SETMAR: variants seen among roughly 807,000 people sequenced by gnomAD.
The protein encoded by SETMAR is SET and mariner transposase domain methyltransferase.
SETMAR carries 44 observed loss-of-function variants against 58.4 expected under a neutral mutation model. The observed-to-expected ratio is 0.75, with a 90% CI of 0.59 to 0.97. The LOEUF (loss-of-function observed/expected upper bound fraction) is 0.97, where lower values mean the gene tolerates loss of function less well. Ranked by LOEUF, SETMAR falls within the 50% of genes least tolerant of loss-of-function variation. The probability of loss-of-function intolerance (pLI) is 0.00; values close to 1 mark genes in which losing one functional copy is unlikely to be tolerated. For synonymous variants in SETMAR, 332 were observed against 307.4 expected, an observed-to-expected ratio of 1.08 and a Z score of -0.84; for missense variants, 903 against 840.2, an observed-to-expected ratio of 1.07 and a Z score of -0.92.
rs1445812352 is a variant in SETMAR, at chr3:4,316,457, A to G, written c.1266A>G (p.Glu422=). The G allele has an allele frequency of 6.2e-7, 1 of 1,604,136 alleles. No homozygotes were observed. Residue 422 remains glutamate, a synonymous_variant, in exon 3 of 3, where the codon GAA becomes GAG. Coordinates refer to ENST00000358065, the MANE Select transcript of SETMAR (RefSeq NM_006515.4). ...ACGACCAGTTGAGAGCAATCATCGA[A>G]GCTGATCCCCTTACAACTACACGAG... is the stretch of plus-strand genomic sequence containing the variant. The part of the protein sequence containing the change: ...VDNDQLRAII[E]ADPLTTTREV...
chr3:4,316,988 T>G lies in SETMAR; in HGVS notation c.1797T>G (p.Leu599=). The G allele has an allele frequency of 6.5e-7, 1 of 1,549,312 alleles. No individual in the cohort carries two copies. Reference sequence around the variant, plus strand: ...GACCGCATGTTGCACAACCCACACTTCAAAAGTTGAATGAATTGGGCTATG... The same window carrying G: ...GACCGCATGTTGCACAACCCACACTGCAAAAGTTGAATGAATTGGGCTATG... ...NARPHVAQPT[L]QKLNELGYEV... The change falls in exon 3 of 3, where the codon CTT becomes CTG. Residue 599 remains leucine, a synonymous_variant. Transcript: ENST00000358065.
intron 2 of SETMAR, among the ~76,000 whole-genome samples, chr3:4,314,596 A>T (rs1698560713): frequency 1.3e-5 from 2 of 152,156 alleles, no homozygotes; most frequent in Non-Finnish European, 2.9e-5. Flanking sequence ...ACTTGGCTGT[A>T]CTCCAAATCT....
intron 1 of SETMAR, among the ~76,000 whole-genome samples, chr3:4,305,210 C>G (rs943160528): frequency 2.0e-5 from 3 of 152,078 alleles, no homozygotes; most frequent in Non-Finnish European, 4.4e-5. Context: ...CTCAGCTTCC[C>G]GAGTAGCTGG....
chr3:4,312,255 T>C (rs1207967443), intron 1 of SETMAR, among the ~76,000 whole-genome samples: 1 of 152,134 alleles, frequency 6.6e-6, no homozygotes, highest in African/African-American at 2.4e-5. Flanking sequence ...ATGTATATTA[T>C]CAGGTAAAGG....
chr3:4,313,934 G>A, intron 2 of SETMAR, 173 bp downstream of exon 2: 1 of 1,158,498 alleles, frequency 8.6e-7, no homozygotes, highest in East Asian at 2.6e-5. Flanking sequence ...TTTAACAAAA[G>A]TACATGACTA....
rs935193064 is a variant in SETMAR at position 4,316,739 on chromosome 3, A to C, written c.1548A>C (p.Glu516Asp). The change falls in exon 3 of 3, where the codon GAA becomes GAC. Residue 516 changes from glutamate (E) to aspartate (D), a missense_variant. By Grantham distance (45) the Glu-to-Asp change is conservative. Coordinates refer to ENST00000358065, the MANE Select transcript of SETMAR (RefSeq NM_006515.4). ...CAGCTCAGTGGTTGGATCAAGAAGA[A>C]GCTCCAAAGCACTTCCCAAAGCCAA... is the stretch of plus-strand genomic sequence containing the variant. ...RRSAQWLDQE[E>D]APKHFPKPIL... 6.4e-7 allele frequency: 1 copy of C among 1,550,834 alleles called. No homozygotes were observed. Among genetic ancestry groups the C allele is most frequent in the Non-Finnish European group, 8.7e-7 (1 of 1,146,774 alleles).
chr3:4,312,985 T>G lies in SETMAR; in HGVS notation c.244T>G (p.Cys82Gly). The G allele has an allele frequency of 6.2e-7, 1 of 1,614,040 alleles. No individual in the cohort carries two copies. The highest frequency in any genetic ancestry group is 8.5e-7 in the Non-Finnish European group (1 of 1,179,942). ...CGGATGCATTTGTGTCAAAACTCCC[T>G]GCCTCCCTGGCACTTGCTCCTGTCT... The part of the protein sequence containing the change: ...FPGCICVKTP[C>G]LPGTCSCLRH... The change falls in exon 2 of 3, where the codon TGC becomes GGC. Residue 82 changes from cysteine (C) to glycine (G), a missense_variant. By Grantham distance (159) the Cys-to-Gly change is radical (BLOSUM62 -3). Coordinates refer to ENST00000358065, the MANE Select transcript of SETMAR (RefSeq NM_006515.4).
Position 4,316,901 on chromosome 3 carries a change from G to A in SETMAR, c.1710G>A (p.Leu570=), listed in dbSNP as rs1202139286. 7.1e-6 allele frequency: 11 copies of A among 1,549,322 alleles called. No individual in the cohort carries two copies. The highest frequency in any genetic ancestry group is 9.6e-6 in the Non-Finnish European group (11 of 1,146,734). ...AAATCGATGAGATGAACCAAAAACT[G>A]CAACGCCTGCAGCTGGCATTGGTCA... ...AQEIDEMNQK[L]QRLQLALVNR... Residue 570 remains leucine, a synonymous_variant, in exon 3 of 3, where the codon CTG becomes CTA. Transcript: ENST00000358065.
In SETMAR at chr3:4,303,416, G is replaced by A. The variant is rs764471589; in HGVS notation, c.46G>A (p.Glu16Lys). The A allele has an allele frequency of 1.9e-6, 3 of 1,555,418 alleles. No individual in the cohort carries two copies. In the African/African-American group the frequency reaches 4.3e-5, roughly 22 times the overall value. The change falls in exon 1 of 3, where the codon GAG becomes AAG. Residue 16 changes from glutamate (E) to lysine (K), a missense_variant. Glu to Lys is a moderately conservative substitution (Grantham distance 56). Coordinates refer to ENST00000358065, the MANE Select transcript of SETMAR (RefSeq NM_006515.4). ...GACGACACGGCCTTGTGGGATGGCGGAGTTTAAGGAGAAGCCTGAGGCCCC... is the reference window on the plus strand; with the variant it reads ...GACGACACGGCCTTGTGGGATGGCGAAGTTTAAGGAGAAGCCTGAGGCCCC... ...AKTTRPCGMA[E>K]FKEKPEAPTE...
At position 4,316,260 on chromosome 3, in the gene SETMAR, T is replaced by C. The variant is rs759585046; in HGVS notation, c.1069T>C (p.Phe357Leu). The change falls in exon 3 of 3, where the codon TTC becomes CTC. Residue 357 changes from phenylalanine to leucine, a missense_variant. Phe to Leu is a conservative substitution (Grantham distance 22). Transcript: ENST00000358065. ...AAAGCAAATTCGAGCAATTTTCTTA[T>C]TCGAGTTCAAAATGGGTCGTAAAGC... Reference protein sequence around the residue: ...DKKQIRAIFLFEFKMGRKAAE... With the variant: ...DKKQIRAIFLLEFKMGRKAAE... The C allele has an allele frequency of 1.2e-6, 1 of 813,694 alleles. No homozygotes were observed. 50.4% of individuals were successfully genotyped at this position (813,694 alleles called of 1,614,324 possible).
At chr3:4,314,437 A>G (rs902847361) in intron 2 of SETMAR, 2 of 152,430 alleles carry the variant, frequency 1.3e-5, no homozygotes, top group Non-Finnish European at 2.9e-5. Flanking sequence ...CTAAGCATGG[A>G]TCAAGGAAAA....
intron 1 of SETMAR, among the ~76,000 whole-genome samples, chr3:4,306,304 G>C (rs1035802898): frequency 1.3e-5 from 2 of 152,002 alleles, no homozygotes; most frequent in Admixed American, 6.5e-5. Context: ...AATTATATAA[G>C]TATCTCCCTT....
In SETMAR at chr3:4,308,155, T is replaced by C. The variant is rs1055396555; in HGVS notation, c.156+4629T>C. The stretch of plus-strand genomic sequence containing the variant: ...AAGAAGTCTAGTCTGGATCAGCTCT[T>C]AGCTTTTCTCCACTCAAATGGAGAA... On this transcript the variant is annotated intron_variant, in intron 1 of 2. Transcript: ENST00000358065. 7.9e-5 allele frequency among the ~76,000 whole-genome samples: 12 copies of C among 152,356 alleles called. 1 individual carries two copies. The East Asian group carries it at 2.1e-3, about 27-fold the overall frequency.
chr3:4,313,986 T>C, intron 2 of SETMAR: 1 of 795,472 alleles, frequency 1.3e-6, no homozygotes, highest in Non-Finnish European at 1.9e-6. Flanking sequence ...TCTTAGTGAC[T>C]GTTCTAGTTA....
intron 1 of SETMAR, among the ~76,000 whole-genome samples, chr3:4,305,188 C>A (rs914403372): frequency 6.6e-6 from 1 of 152,084 alleles, no homozygotes; most frequent in Non-Finnish European, 1.5e-5. Context: ...CAGGTTCAAG[C>A]GATTCTTCCA....
At chr3:4,308,215 C>G (rs35204715) in intron 1 of SETMAR, among the ~76,000 whole-genome samples, 4 of 152,166 alleles carry the variant, frequency 2.6e-5, no homozygotes, top group Non-Finnish European at 4.4e-5. Flanking sequence ...CGATGGCTTC[C>G]TAGACACAAT....
chr3:4,316,677 G>C lies in SETMAR; in HGVS notation c.1486G>C (p.Asp496His). ...ATTTCTCGATCGGATTGTGACGTGT[G>C]ATGAAAAGTGGATTTTATATGACAA... ...EPFLDRIVTC[D>H]EKWILYDNRR... Residue 496 changes from aspartate (D) to histidine (H), a missense_variant, in exon 3 of 3, where the codon GAT becomes CAT. By Grantham distance (81) the Asp-to-His change is moderately conservative (BLOSUM62 -1). Coordinates refer to ENST00000358065, the MANE Select transcript of SETMAR (RefSeq NM_006515.4). The C allele has an allele frequency of 1.3e-6, 2 of 1,551,162 alleles. No individual in the cohort carries two copies. Among genetic ancestry groups the C allele is most frequent in the Non-Finnish European group, 1.7e-6 (2 of 1,146,782 alleles).
At chr3:4,316,046 CAA>C (rs774059331) in intron 2 of SETMAR, among the ~76,000 whole-genome samples, 164 bp from the exon 3 acceptor site, 10,081 of 76,468 alleles carry the variant, frequency 0.13, 240 homozygotes, top group Non-Finnish European at 0.19. Context: ...GACTCTGTCT[CAA>C]AAAAAAAAAA....
intron 2 of SETMAR, chr3:4,314,066 G>A: frequency 2.1e-6 from 1 of 483,446 alleles, no homozygotes; most frequent in Non-Finnish European, 3.7e-6. Flanking sequence ...CTTTCTTCCT[G>A]CTGGCTGGAA....
Sources: allele counts gnomAD v4.1 joint callset (sites outside exome capture counted in the v4.1 genomes callset), GRCh38; gene constraint gnomAD v4.1.1; transcripts MANE v1.5; gene names NCBI Gene and HGNC (gene_info 2026-07-23, HGNC 2026-07-21).